Variants in NEXMIF observed in about 807,000 individuals in gnomAD.
NEXMIF encodes XLMR protein related to neurite extension.
NEXMIF carries 8 observed loss-of-function variants against 62.1 expected under a neutral mutation model. The observed-to-expected ratio is 0.13, with a 90% CI of 0.08 to 0.23. NEXMIF has a LOEUF of 0.23. Among genes scored for constraint, NEXMIF ranks in the 10% least tolerant of loss-of-function variants. NEXMIF has a pLI of 1.00. For missense variants in NEXMIF, 976 were observed against 1,113.3 expected, an observed-to-expected ratio of 0.88 and a Z score of 1.75; for synonymous variants, 404 against 416.6, an observed-to-expected ratio of 0.97 and a Z score of 0.37.
intron 1 of NEXMIF, among the ~76,000 whole-genome samples, chrX:74,776,313 G>A (rs753559300): frequency 3.6e-5 from 4 of 112,076 alleles, no homozygotes; most frequent in South Asian, 3.7e-4. Flanking sequence ...CTTCTTGAGC[G>A]TTTCCAAGTG....
intron 1 of NEXMIF, among the ~76,000 whole-genome samples, chrX:74,751,623 C>CCCTTCCTTCCTTCCTTCCTT (rs781068385): frequency 5.3e-4 from 46 of 87,314 alleles, no homozygotes; most frequent in African/African-American, 1.8e-3. Flanking sequence ...TACCATCACG[C>CCCTTCCTTCCTTCCTTCCTT]CCTTCCTTCC....
At chrX:74,879,941 G>T in intron 1 of NEXMIF, among the ~76,000 whole-genome samples, 1 of 111,578 alleles carries the variant, frequency 9.0e-6, no homozygotes, top group East Asian at 2.8e-4. Flanking sequence ...CGATAATGGG[G>T]AAATGATCAT....
intron 3 of NEXMIF, 62 bp from the exon 4 acceptor site, chrX:74,739,560 G>C: frequency 2.9e-6 from 2 of 685,225 alleles, no homozygotes; most frequent in South Asian, 2.7e-5. Flanking sequence ...CCCACAAAGG[G>C]ATCATACAAG....
At chrX:74,811,492 C>A (rs1227580901) in intron 1 of NEXMIF, among the ~76,000 whole-genome samples, 1 of 112,426 alleles carries the variant, frequency 8.9e-6, no homozygotes, top group Admixed American at 9.4e-5. Context: ...AACCACAATT[C>A]ACATATTTAG....
At chrX:74,845,175 T>A (rs1401189054) in intron 1 of NEXMIF, among the ~76,000 whole-genome samples, 2 of 111,037 alleles carry the variant, frequency 1.8e-5, no homozygotes, top group Non-Finnish European at 3.8e-5. Context: ...ACATGCTGAG[T>A]GGCAGGAGTG....
intron 1 of NEXMIF, among the ~76,000 whole-genome samples, chrX:74,815,561 T>C (rs1292397942): frequency 9.0e-6 from 1 of 111,167 alleles, no homozygotes; most frequent in Non-Finnish European, 1.9e-5. Context: ...AAAAAACCAG[T>C]GGTTCTTACT....
chrX:74,849,250 G>A (rs1289231885), intron 1 of NEXMIF, among the ~76,000 whole-genome samples: 2 of 112,366 alleles, frequency 1.8e-5, no homozygotes, highest in East Asian at 2.8e-4. Flanking sequence ...ATTCAACAGA[G>A]AAGAGACAGG....
At chrX:74,826,307 T>C (rs752869516) in intron 1 of NEXMIF, among the ~76,000 whole-genome samples, 8 of 112,339 alleles carry the variant, frequency 7.1e-5, no homozygotes, top group Non-Finnish European at 1.3e-4. Flanking sequence ...GCCACATGTA[T>C]GTCTTCTTTT....
chrX:74,880,242 CAA>C (rs749066140), intron 1 of NEXMIF, among the ~76,000 whole-genome samples: 13 of 112,156 alleles, frequency 1.2e-4, no homozygotes, highest in African/African-American at 3.9e-4. Context: ...AAACTCCACA[CAA>C]AGTCAGAGGG....
intron 1 of NEXMIF, among the ~76,000 whole-genome samples, chrX:74,888,302 C>A (rs192636257): frequency 2.5e-4 from 25 of 101,012 alleles, no homozygotes; most frequent in African/African-American, 9.0e-4. Flanking sequence ...TAATAATAAA[C>A]AAACAAACAA....
chrX:74,799,550 T>C (rs760632491), intron 1 of NEXMIF, among the ~76,000 whole-genome samples: 1 of 112,464 alleles, frequency 8.9e-6, no homozygotes, highest in Admixed American at 9.4e-5. Context: ...CATGCACATA[T>C]ACACAAACAA....
chrX:74,898,341 C>T, intron 1 of NEXMIF, among the ~76,000 whole-genome samples: 1 of 111,139 alleles, frequency 9.0e-6, no homozygotes, highest in Non-Finnish European at 1.9e-5. Flanking sequence ...AGGTGAATCC[C>T]AATTAAGGGA....
intron 1 of NEXMIF, among the ~76,000 whole-genome samples, chrX:74,819,484 T>C (rs768853413): frequency 9.0e-6 from 1 of 111,300 alleles, no homozygotes; most frequent in East Asian, 2.8e-4. Flanking sequence ...TAAACAAATT[T>C]ACAAGAAAAA....
intron 1 of NEXMIF, among the ~76,000 whole-genome samples, chrX:74,899,527 G>A (rs1302874239): frequency 8.9e-6 from 1 of 111,901 alleles, no homozygotes; most frequent in African/African-American, 3.2e-5. Flanking sequence ...TAACCAAGGA[G>A]GTGAAAGATC....
At chrX:74,819,340 T>C (rs2080386793) in intron 1 of NEXMIF, among the ~76,000 whole-genome samples, 1 of 111,707 alleles carries the variant, frequency 9.0e-6, no homozygotes, top group African/African-American at 3.3e-5. Flanking sequence ...AAATGAGATC[T>C]AATTAAACTT....
chrX:74,843,188 A>G (rs969124075), intron 1 of NEXMIF, among the ~76,000 whole-genome samples: 3 of 111,718 alleles, frequency 2.7e-5, no homozygotes, highest in Admixed American at 9.5e-5. Context: ...TAGGATGGTT[A>G]GATTTTCTCG....
intron 1 of NEXMIF, among the ~76,000 whole-genome samples, chrX:74,755,995 C>A (rs2080157961): frequency 8.9e-6 from 1 of 112,170 alleles, no homozygotes. Flanking sequence ...CCTGCCTCAG[C>A]CTCCTGAGTA....
intron 1 of NEXMIF, among the ~76,000 whole-genome samples, chrX:74,877,631 T>A (rs1180591737): frequency 9.0e-6 from 1 of 111,693 alleles, no homozygotes; most frequent in Non-Finnish European, 1.9e-5. Context: ...GGTACACCAA[T>A]CAGACGTAGA....
intron 1 of NEXMIF, among the ~76,000 whole-genome samples, chrX:74,802,380 T>C (rs759335010): frequency 7.2e-5 from 8 of 111,041 alleles, no homozygotes; most frequent in Admixed American, 9.6e-5. Flanking sequence ...TGTCTGTTTG[T>C]TTGGGAGAAA....
Sources: allele counts gnomAD v4.1 joint callset (sites outside exome capture counted in the v4.1 genomes callset), GRCh38; gene constraint gnomAD v4.1.1; transcripts MANE v1.5; gene names NCBI Gene and HGNC (gene_info 2026-07-23, HGNC 2026-07-21).